SAMD12: variants seen among roughly 807,000 people sequenced by gnomAD.
The protein encoded by SAMD12 is sterile alpha motif domain-containing protein 12.
A neutral mutation model predicts 15.0 loss-of-function variants in SAMD12; 9 were observed. The observed-to-expected ratio is 0.60, with a 90% confidence interval of 0.36 to 1.05. The LOEUF (loss-of-function observed/expected upper bound fraction) is 1.05, where lower values mean the gene tolerates loss of function less well. SAMD12 is among the 50% of genes least tolerant of loss of function. SAMD12 has a pLI of 0.01. For synonymous variants in SAMD12, 86 were observed against 90.1 expected (o/e 0.96, Z 0.25); for missense variants, 230 against 234.2 (o/e 0.98, Z 0.12).
At chr8:118,319,710 G>T (rs1270962502) in intron 4 of SAMD12, among the ~76,000 whole-genome samples, 2 of 152,182 alleles carry the variant, frequency 1.3e-5, no homozygotes, top group African/African-American at 4.8e-5. Flanking sequence ...AGAAGTAGGG[G>T]TGAGAAAGAG....
chr8:118,561,522 A>G (rs1484795099), intron 2 of SAMD12, among the ~76,000 whole-genome samples: 2 of 152,230 alleles, frequency 1.3e-5, no homozygotes, highest in Non-Finnish European at 2.9e-5. Context: ...CAGGAAACTT[A>G]CAATCATGGT....
At chr8:118,437,552 C>T (rs758529673) in intron 3 of SAMD12, among the ~76,000 whole-genome samples, 22 of 152,046 alleles carry the variant, frequency 1.4e-4, no homozygotes, top group Admixed American at 7.9e-4. Flanking sequence ...TTAATTTTCA[C>T]GACATCTCTC....
intron 3 of SAMD12, among the ~76,000 whole-genome samples, chr8:118,426,196 A>T (rs140858863): frequency 3.6e-4 from 55 of 152,274 alleles, no homozygotes; most frequent in African/African-American, 1.3e-3. Context: ...ATATTTCTTG[A>T]TGTCCTTTGA....
At chr8:118,392,360 G>C (rs1421128132) in intron 3 of SAMD12, among the ~76,000 whole-genome samples, 1 of 152,214 alleles carries the variant, frequency 6.6e-6, no homozygotes, top group African/African-American at 2.4e-5. Context: ...GAACTTGGGA[G>C]GCAGAGGTTG....
chr8:118,524,082 G>T (rs1338180548), intron 2 of SAMD12, among the ~76,000 whole-genome samples: 1 of 151,862 alleles, frequency 6.6e-6, no homozygotes, highest in Non-Finnish European at 1.5e-5. Context: ...TACCCCTCCA[G>T]CTCCTACCCA....
intron 2 of SAMD12, among the ~76,000 whole-genome samples, chr8:118,549,872 A>G (rs572008167): frequency 1.6e-3 from 247 of 152,360 alleles, no homozygotes; most frequent in African/African-American, 5.7e-3. Context: ...CCAGAACTAC[A>G]TGAAGAATGC....
chr8:118,432,065 C>T (rs1034130628), intron 3 of SAMD12, among the ~76,000 whole-genome samples: 11 of 152,270 alleles, frequency 7.2e-5, no homozygotes, highest in African/African-American at 2.4e-4. Context: ...CTCGCTATCA[C>T]AGTGTTTTTT....
chr8:118,419,189 T>C (rs1365780381), intron 3 of SAMD12, among the ~76,000 whole-genome samples: 7 of 152,068 alleles, frequency 4.6e-5, no homozygotes, highest in African/African-American at 1.7e-4. Context: ...GGAATTGTCC[T>C]TGAACTGGAA....
chr8:118,534,062 T>A (rs532677942), intron 2 of SAMD12, among the ~76,000 whole-genome samples: 3 of 152,282 alleles, frequency 2.0e-5, no homozygotes, highest in East Asian at 3.9e-4. Flanking sequence ...ATTTGGCATG[T>A]TTTTGCAGTG....
chr8:118,579,875 A>G (rs1827241416), intron 2 of SAMD12, among the ~76,000 whole-genome samples: 1 of 152,162 alleles, frequency 6.6e-6, no homozygotes, highest in African/African-American at 2.4e-5. Flanking sequence ...TGCCCCCAAC[A>G]TGAACATCTG....
intron 4 of SAMD12, among the ~76,000 whole-genome samples, chr8:118,279,312 T>G (rs1367205617): frequency 1.3e-5 from 2 of 152,146 alleles, no homozygotes; most frequent in African/African-American, 4.8e-5. Flanking sequence ...AACTTTCTAC[T>G]GGTCAGGAAA....
At chr8:118,589,405 C>T (rs62531929) in intron 1 of SAMD12, among the ~76,000 whole-genome samples, 2,871 of 152,278 alleles carry the variant, frequency 0.019, 26 homozygotes, top group Middle Eastern at 0.065. Context: ...AAAAACAGTT[C>T]GCTATAATGG....
At chr8:118,177,435 G>A in the SAMD12 span, among the ~76,000 whole-genome samples, 1 of 151,894 alleles carries the variant, frequency 6.6e-6, no homozygotes, top group African/African-American at 2.4e-5. Flanking sequence ...GTAGAGACAG[G>A]GTCTCACTGT....
intron 2 of SAMD12, among the ~76,000 whole-genome samples, chr8:118,442,581 C>G (rs1184733147): frequency 1.3e-5 from 2 of 152,174 alleles, no homozygotes; most frequent in Non-Finnish European, 2.9e-5. Context: ...TTTCTCTTTG[C>G]TCATCATCAC....
intron 4 of SAMD12, among the ~76,000 whole-genome samples, chr8:118,310,133 G>A (rs1475483389): frequency 6.6e-6 from 1 of 152,106 alleles, no homozygotes; most frequent in East Asian, 1.9e-4. Flanking sequence ...TTTCTTCTAT[G>A]TGCCTCTTTA....
the SAMD12 span, among the ~76,000 whole-genome samples, chr8:118,179,597 C>T: frequency 6.6e-6 from 1 of 152,104 alleles, no homozygotes; most frequent in African/African-American, 2.4e-5. Context: ...GGAAAACTTC[C>T]TTTTCTCTTT....
At chr8:118,365,935 A>T (rs1256411166) in intron 4 of SAMD12, among the ~76,000 whole-genome samples, 1 of 152,048 alleles carries the variant, frequency 6.6e-6, no homozygotes, top group African/African-American at 2.4e-5. Flanking sequence ...AAGCATAATT[A>T]ATGACCCCAT....
intron 1 of SAMD12, among the ~76,000 whole-genome samples, chr8:118,590,116 A>C (rs1302133631): frequency 6.6e-6 from 1 of 152,202 alleles, no homozygotes; most frequent in African/African-American, 2.4e-5. Context: ...AGCTATGGGC[A>C]CAGAAAAAAA....
intron 2 of SAMD12, among the ~76,000 whole-genome samples, chr8:118,489,121 T>C (rs1824365662): frequency 6.6e-6 from 1 of 152,222 alleles, no homozygotes; most frequent in South Asian, 2.1e-4. Flanking sequence ...TATGTGTTTA[T>C]TGGCCATTTC....
Sources: gnomAD v4.1 joint callset for allele counts (sites outside exome capture counted in the v4.1 genomes callset) on GRCh38, gnomAD v4.1.1 for gene constraint, MANE v1.5 for transcripts, NCBI Gene and HGNC (gene_info 2026-07-23, HGNC 2026-07-21) for gene names.